FGD1: variants seen among roughly 807,000 people sequenced by gnomAD.
FGD1 encodes the protein FYVE, RhoGEF and PH domain containing 1, also known as FYVE, RhoGEF and PH domain-containing protein 1.
FGD1 carries 12 observed loss-of-function variants against 65.0 expected under a neutral mutation model. That is an observed-to-expected ratio of 0.18 (90% CI 0.12 to 0.30). The LOEUF is 0.30. FGD1 is among the 10% of genes least tolerant of loss of function. The pLI is 1.00. For missense variants in FGD1, 542 were observed against 837.6 expected, an observed-to-expected ratio of 0.65 and a Z score of 4.36; for synonymous variants, 333 against 343.9, an observed-to-expected ratio of 0.97 and a Z score of 0.35.
intron 1 of FGD1, among the ~76,000 whole-genome samples, chrX:54,482,404 C>A (rs2147442069): frequency 8.9e-6 from 1 of 112,016 alleles, no homozygotes; most frequent in South Asian, 3.7e-4. Context: ...AGCTCCACCC[C>A]CGCCCATCTC....
intron 1 of FGD1, among the ~76,000 whole-genome samples, chrX:54,480,247 G>T (rs891688931): frequency 8.9e-6 from 1 of 112,391 alleles, no homozygotes; most frequent in Non-Finnish European, 1.9e-5. Flanking sequence ...CCAAAAAGAG[G>T]AGCCTTCTTC....
intron 8 of FGD1, among the ~76,000 whole-genome samples, chrX:54,459,302 G>C (rs946390349): frequency 8.9e-6 from 1 of 111,838 alleles, no homozygotes; most frequent in African/African-American, 3.2e-5. Context: ...TGGGGGCTCA[G>C]TGTGGGGATT....
chrX:54,476,540 T>C (rs1362537780), intron 1 of FGD1, among the ~76,000 whole-genome samples: 1 of 109,571 alleles, frequency 9.1e-6, no homozygotes, highest in Non-Finnish European at 1.9e-5. Flanking sequence ...TTTGTAGAGA[T>C]GGGGTCCTTC....
intron 8 of FGD1, among the ~76,000 whole-genome samples, chrX:54,464,938 T>G (rs1379569021): frequency 9.1e-6 from 1 of 109,374 alleles, no homozygotes; most frequent in Admixed American, 9.8e-5. Flanking sequence ...CTGTGGAGAT[T>G]CTGTGATGTG....
intron 4 of FGD1, 97 bp downstream of exon 4, chrX:54,469,919 T>C (rs907441907): frequency 1.3e-6 from 1 of 787,052 alleles, no homozygotes; most frequent in African/African-American, 2.1e-5. Flanking sequence ...AACAAGGTCC[T>C]ATTTCGAGAA....
At position 54,486,920 on chromosome X, in the gene FGD1, G is replaced by A. The variant is rs1450542916; in HGVS notation, c.307+8206C>T. Among the ~76,000 whole-genome samples the A allele has an allele frequency of 3.7e-5, 4 of 106,748 alleles. No individual in the cohort carries two copies. In the East Asian group the frequency reaches 1.3e-3, roughly 35 times the overall value. 92.7% of individuals were successfully genotyped at this position (106,748 alleles called of 115,157 possible). The stretch of plus-strand genomic sequence containing the variant: ...GAGAATTGCTTGAACGGGGACCTGG[G>A]AGGTGGAGGTTGCAGTGAGCCGAGA... On this transcript the variant is annotated intron_variant, in intron 1 of 17. Coordinates refer to ENST00000375135, the MANE Select transcript of FGD1 (RefSeq NM_004463.3).
intron 1 of FGD1, among the ~76,000 whole-genome samples, chrX:54,479,882 C>T (rs1923106077): frequency 9.0e-6 from 1 of 110,901 alleles, no homozygotes; most frequent in African/African-American, 3.3e-5. Context: ...CAAGGCCAGA[C>T]TGCACCCAGG....
In FGD1 at chrX:54,495,464, C is replaced by G; in HGVS notation, c.-32G>C. The stretch of plus-strand genomic sequence containing the variant: ...GGCCTGGGCGCGGGGCCCGAGCTCC[C>G]CGCTTGGCTCCAGCTCCTGGGGCGG... On this transcript the variant is annotated 5_prime_UTR_variant, in exon 1 of 18. Transcript: ENST00000375135. 1 of 930,269 alleles carries G rather than the reference C, an allele frequency of 1.1e-6. No individual in the cohort carries two copies. The highest frequency in any genetic ancestry group is 1.3e-6 in the Non-Finnish European group (1 of 746,527). The allele number at this position is 930,269 out of a possible 1,213,427, so 76.7% of individuals were successfully genotyped here.
rs1054085627 is a variant in FGD1, at chrX:54,455,710, A to C, written c.1917T>G (p.Ile639Met). 4.2e-5 allele frequency: 50 copies of C among 1,192,595 alleles called. No individual in the cohort carries two copies. Among genetic ancestry groups the C allele is most frequent in the Non-Finnish European group, 5.5e-5 (49 of 884,284 alleles). ...LGQKFSVRAR[I>M]DVDGMELKES... Reference sequence around the variant, plus strand: ...TGCTTACCTCCATGCCATCTACATCAATGCGTGCCCGCACGCTAAACTTCT... The same window carrying C: ...TGCTTACCTCCATGCCATCTACATCCATGCGTGCCCGCACGCTAAACTTCT... Residue 639 changes from isoleucine (I) to methionine (M), a missense_variant, in exon 11 of 18, where the codon ATT becomes ATG. Physicochemically the swap from Ile to Met is conservative, Grantham distance 10. Coordinates refer to ENST00000375135, the MANE Select transcript of FGD1 (RefSeq NM_004463.3).
intron 1 of FGD1, among the ~76,000 whole-genome samples, chrX:54,474,829 G>GT (rs1922982997): frequency 1.8e-5 from 2 of 112,495 alleles, no homozygotes; most frequent in African/African-American, 3.2e-5. Context: ...GCCATGCAGA[G>GT]ACCCCTCCTC....
intron 1 of FGD1, among the ~76,000 whole-genome samples, chrX:54,485,102 G>A (rs1308704503): frequency 8.9e-6 from 1 of 112,742 alleles, no homozygotes; most frequent in East Asian, 2.8e-4. Flanking sequence ...GTCTGGGGAA[G>A]TCCTTTTCCC....
chrX:54,474,506 G>A (rs1922974372), intron 1 of FGD1, among the ~76,000 whole-genome samples: 1 of 112,582 alleles, frequency 8.9e-6, no homozygotes, highest in Non-Finnish European at 1.9e-5. Flanking sequence ...CCCAGGCCGA[G>A]CGCCCCTCCC....
At chrX:54,471,286 T>G (rs1922887421) in intron 2 of FGD1, 28 bp downstream of exon 2, 2 of 1,206,986 alleles carry the variant, frequency 1.7e-6, no homozygotes, top group Non-Finnish European at 1.1e-6. Flanking sequence ...CCTGGGCCAC[T>G]TCTCTGCTCT....
At chrX:54,463,012 C>T (rs1019673053) in intron 8 of FGD1, among the ~76,000 whole-genome samples, 5 of 110,992 alleles carry the variant, frequency 4.5e-5, no homozygotes, top group Non-Finnish European at 9.4e-5. Flanking sequence ...ATCCACCTGC[C>T]TCAGCCTCCA....
chrX:54,470,458 C>A lies in FGD1; in HGVS notation c.660-1G>T. The A allele has an allele frequency of 8.3e-7, 1 of 1,203,118 alleles. No individual in the cohort carries two copies. Among genetic ancestry groups the A allele is most frequent in the South Asian group, 1.8e-5 (1 of 56,243 alleles). ...ATCCGAGGCGACAATCACAGGCTCT[C>A]TGAGGTGGGTGGTGGACACACATGG... On this transcript the variant is annotated splice_acceptor_variant, in intron 3 of 17. Transcript: ENST00000375135. LOFTEE classifies it high-confidence loss of function.
In FGD1 at chrX:54,465,471, G is replaced by A. The variant is rs1456331194; in HGVS notation, c.1616C>T (p.Pro539Leu). 2 of 1,209,321 alleles carry A rather than the reference G, an allele frequency of 1.7e-6. No homozygotes were observed. The change falls in exon 8 of 18, where the codon CCG becomes CTG. Residue 539 changes from proline (P) to leucine (L), a missense_variant. This residue lies in a region of FGD1 where 41 missense variants were observed against 109.5 expected (regional missense o/e 0.37). Coordinates refer to ENST00000375135, the MANE Select transcript of FGD1 (RefSeq NM_004463.3). ...CTCACTTTGGGCATCCTTGCTGTCC[G>A]GGGAGCCATGGGGCAGCTTTAACAG... ...DYLLKLPHGS[P>L]DSKDAQKSLE...
intron 5 of FGD1, among the ~76,000 whole-genome samples, chrX:54,468,421 A>G (rs1313871586): frequency 8.9e-6 from 1 of 111,846 alleles, no homozygotes; most frequent in Non-Finnish European, 1.9e-5. Flanking sequence ...GAACAAAGAT[A>G]AAAATCTCTA....
intron 1 of FGD1, 114 bp from the exon 2 acceptor site, chrX:54,471,601 AG>A (rs1922896908): frequency 6.9e-6 from 5 of 726,209 alleles, no homozygotes; most frequent in Middle Eastern, 4.7e-4. Context: ...GGTTTCTCTG[AG>A]CCCCTTTCCT....
At chrX:54,493,719 C>G (rs1391960582) in intron 1 of FGD1, among the ~76,000 whole-genome samples, 2 of 112,265 alleles carry the variant, frequency 1.8e-5, no homozygotes, top group African/African-American at 6.5e-5. Context: ...AAGTAACATG[C>G]AGGCCAAGGT....
Sources: allele counts gnomAD v4.1 joint callset (sites outside exome capture counted in the v4.1 genomes callset), GRCh38; gene constraint gnomAD v4.1.1; regional missense constraint gnomAD v4.1.1; transcripts MANE v1.5; gene names NCBI Gene and HGNC (gene_info 2026-07-23, HGNC 2026-07-21).